Variants in EDDM13 observed in about 807,000 individuals in gnomAD.
EDDM13 encodes epididymal protein 13.
Under a neutral mutation model 17.8 loss-of-function variants are expected in EDDM13, and 24 were observed. The observed-to-expected ratio is 1.35, with a 90% CI of 0.98 to 1.90. The LOEUF is 1.90. Among genes scored for constraint, EDDM13 ranks in the 40% most tolerant of loss-of-function variants. EDDM13 has a pLI of 0.00. For synonymous variants in EDDM13, 31 were observed against 37.5 expected (o/e 0.83, Z 0.63); for missense variants, 97 against 100.8 (o/e 0.96, Z 0.16).
chr19:56,296,301 T>TG (rs1322526749), intron 10 of EDDM13, 35 bp from the exon 11 acceptor site: 14 of 152,192 alleles, frequency 9.2e-5, no homozygotes, highest in African/African-American at 3.4e-4. Flanking sequence ...ATGCTGTCCC[T>TG]TCTGACTCGC....
At chr19:56,308,449 A>C (rs1460553249) in intron 14 of EDDM13, among the ~76,000 whole-genome samples, 1 of 151,858 alleles carries the variant, frequency 6.6e-6, no homozygotes, top group East Asian at 1.9e-4. Context: ...TCAGACTCCC[A>C]AGTAGCTGGG....
chr19:56,284,513 ATT>A (rs11374260), intron 5 of EDDM13, among the ~76,000 whole-genome samples: 48 of 118,324 alleles, frequency 4.1e-4, no homozygotes, highest in African/African-American at 1.3e-3. Flanking sequence ...GCTTGCTGTA[ATT>A]TTTTTTTTTT....
chr19:56,294,304 T>C (rs1243297584), intron 9 of EDDM13, among the ~76,000 whole-genome samples: 1 of 152,224 alleles, frequency 6.6e-6, no homozygotes, highest in African/African-American at 2.4e-5. Context: ...AGGATGCAAG[T>C]GGTTCGGTGG....
At position 56,298,076 on chromosome 19, in the gene EDDM13, A is replaced by G. The variant is rs1234581735; in HGVS notation, c.295+545A>G. On this transcript the variant is annotated intron_variant, in intron 12 of 14. Transcript: ENST00000649256. ...GTAACTGAGCAAGTCTCAAAAAAAA[A>G]AAAAAAAGCCAGAACAACACTAATG... 4 of 152,200 alleles carry G rather than the reference A, an allele frequency of 2.6e-5. No individual in the cohort carries two copies. The East Asian group carries it at 7.7e-4, about 29-fold the overall frequency. 9.4% of individuals were successfully genotyped at this position (152,200 alleles called of 1,614,324 possible).
chr19:56,282,547 G>C, intron 4 of EDDM13, 48 bp downstream of exon 4: 4 of 979,322 alleles, frequency 4.1e-6, no homozygotes, highest in Non-Finnish European at 3.6e-6. Context: ...GTTTGCCTTT[G>C]TCCAAAAGGG....
chr19:56,279,250 G>C (rs2038495026), intron 2 of EDDM13, among the ~76,000 whole-genome samples: 1 of 151,932 alleles, frequency 6.6e-6, no homozygotes, highest in Non-Finnish European at 1.5e-5. Context: ...GAGAATTTCT[G>C]CTCCAAGTCA....
intron 9 of EDDM13, chr19:56,295,224 A>G (rs2039787147): frequency 6.6e-6 from 1 of 152,136 alleles, no homozygotes; most frequent in African/African-American, 2.4e-5. Flanking sequence ...AGTTCAGAAA[A>G]CAACAACGGG....
In EDDM13 at chr19:56,310,207, C is replaced by T. The variant is rs947376304; in HGVS notation, c.*59C>T. 2.6e-5 allele frequency: 4 copies of T among 152,310 alleles called. No individual in the cohort carries two copies. Among genetic ancestry groups the T allele is most frequent in the Non-Finnish European group, 4.4e-5 (3 of 68,098 alleles). 9.4% of individuals were successfully genotyped at this position (152,310 alleles called of 1,614,324 possible). ...GGCCTCCATCTCCCAGGCATTCTAA[C>T]CTCTGAAGAAAGCTCTCTGTCCCCT... On this transcript the variant is annotated 3_prime_UTR_variant, in exon 15 of 15. Coordinates refer to ENST00000649256, the MANE Select transcript of EDDM13 (RefSeq NM_001354658.2).
At chr19:56,284,673 TCTGC>T (rs2147096317) in intron 5 of EDDM13, among the ~76,000 whole-genome samples, 1 of 151,906 alleles carries the variant, frequency 6.6e-6, no homozygotes, top group East Asian at 1.9e-4. Flanking sequence ...CACCACCATG[TCTGC>T]CTAATTTTTG....
intron 12 of EDDM13, chr19:56,298,138 C>T (rs972649927): frequency 1.3e-5 from 2 of 150,954 alleles, no homozygotes; most frequent in Admixed American, 6.6e-5. Context: ...AAATTTAATC[C>T]TCTAGCATTA....
At chr19:56,305,412 A>G (rs1277177909) in intron 14 of EDDM13, among the ~76,000 whole-genome samples, 2 of 152,180 alleles carry the variant, frequency 1.3e-5, no homozygotes, top group Non-Finnish European at 2.9e-5. Flanking sequence ...ACCTTGTATC[A>G]GGACTGTATT....
intron 2 of EDDM13, among the ~76,000 whole-genome samples, chr19:56,279,926 CTAAT>C (rs772868339): frequency 5.1e-4 from 78 of 151,942 alleles, no homozygotes; most frequent in Admixed American, 2.8e-3. Flanking sequence ...ATTTAAATTA[CTAAT>C]TAATTATTCA....
chr19:56,290,402 T>C lies in EDDM13; in HGVS notation c.227-439T>C, dbSNP rs560983624. ...CATGTGGCCTGCAAAGCCTACACTA[T>C]TTACTGTCTGACCCTTTAGAGGTCA... On this transcript the variant is annotated intron_variant, in intron 8 of 14. Transcript: ENST00000649256. 5.3e-5 allele frequency among the ~76,000 whole-genome samples: 8 copies of C among 152,344 alleles called. No individual in the cohort carries two copies. In the South Asian group the frequency reaches 1.5e-3, roughly 28 times the overall value.
At chr19:56,295,510 G>A (rs1283643297) in intron 9 of EDDM13, among the ~76,000 whole-genome samples, 1 of 151,992 alleles carries the variant, frequency 6.6e-6, no homozygotes. Context: ...CAGGAGAATC[G>A]CTTGAACCCG....
chr19:56,284,673 T>C (rs6509987), intron 5 of EDDM13, among the ~76,000 whole-genome samples: 135,482 of 151,872 alleles, frequency 0.89, 60,957 homozygotes, highest in Middle Eastern at 0.94. Context: ...CACCACCATG[T>C]CTGCCTAATT....
intron 9 of EDDM13, among the ~76,000 whole-genome samples, chr19:56,294,681 T>G (rs1329636226): frequency 2.6e-5 from 4 of 152,190 alleles, no homozygotes; most frequent in African/African-American, 9.7e-5. Flanking sequence ...CAACACATTG[T>G]GAATGGGCAT....
intron 12 of EDDM13, among the ~76,000 whole-genome samples, chr19:56,299,149 T>TG (rs2040068685): frequency 6.6e-6 from 1 of 152,130 alleles, no homozygotes. Flanking sequence ...ATTTTTTTTT[T>TG]GAGACACGGT....
chr19:56,303,082 G>A (rs2040452501), intron 13 of EDDM13: 1 of 390,718 alleles, frequency 2.6e-6, no homozygotes, highest in South Asian at 1.4e-4. Flanking sequence ...TGTGGGTTAA[G>A]GACAGAATGG....
intron 2 of EDDM13, among the ~76,000 whole-genome samples, 46 bp downstream of exon 2, chr19:56,276,155 T>G (rs1264448396): frequency 6.6e-6 from 1 of 152,210 alleles, no homozygotes. Flanking sequence ...TAGCTACCTC[T>G]CCTAAAATTC....
Sources: allele counts gnomAD v4.1 joint callset (sites outside exome capture counted in the v4.1 genomes callset), GRCh38; gene constraint gnomAD v4.1.1; transcripts MANE v1.5; gene names NCBI Gene and HGNC (gene_info 2026-07-23, HGNC 2026-07-21).